PTCD2: variants seen among roughly 807,000 people sequenced by gnomAD.
The protein encoded by PTCD2 is pentatricopeptide repeat domain 2.
Under a neutral mutation model 42.6 loss-of-function variants are expected in PTCD2, and 31 were observed. The observed-to-expected ratio is 0.73, with a 90% confidence interval of 0.55 to 0.98. PTCD2 has a LOEUF of 0.98. Ranked by LOEUF, PTCD2 falls within the 50% of genes least tolerant of loss-of-function variation. The probability of loss-of-function intolerance (pLI) is 0.00; values close to 1 mark genes in which losing one functional copy is unlikely to be tolerated. For synonymous variants in PTCD2, 183 were observed against 170.9 expected, an observed-to-expected ratio of 1.07 and a Z score of -0.55; for missense variants, 476 against 454.8, an observed-to-expected ratio of 1.05 and a Z score of -0.42.
chr5:72,326,747 G>T lies in PTCD2; in HGVS notation c.350+6G>T. The T allele has an allele frequency of 1.9e-6, 3 of 1,613,132 alleles. No individual in the cohort carries two copies. Among genetic ancestry groups the T allele is most frequent in the Non-Finnish European group, 2.5e-6 (3 of 1,179,424 alleles). On this transcript the variant is annotated splice_donor_region_variant and intron_variant, in intron 3 of 9. Transcript: ENST00000380639. ...GCTAAAAATGTCATTTACAGGTGAG[G>T]CATTTCCTTAGAATGTTGCCACCCT... is the stretch of plus-strand genomic sequence containing the variant.
chr5:72,331,291 G>C lies in PTCD2; in HGVS notation c.384G>C (p.Gly128=), dbSNP rs1489153001. The C allele has an allele frequency of 1.9e-6, 3 of 1,613,764 alleles. No individual in the cohort carries two copies. The highest frequency in any genetic ancestry group is 2.7e-5 in the African/African-American group (2 of 74,888). ...CAGAGAACAAAAATTTCACTTTGGG[G>C]GAGTATAAATTTGGACCGCTTTTTG... ...YHAENKNFTL[G]EYKFGPLFVR... The change falls in exon 4 of 10, where the codon GGG becomes GGC. Residue 128 remains glycine, a synonymous_variant. Transcript: ENST00000380639.
rs140850432 is a variant in PTCD2, at chr5:72,321,862, G to A, written c.128-310G>A. Reference sequence around the variant, plus strand: ...TTGATACCCTTAACCGATGGCAAATGCCCATTTGTACTTCAAATCCCAACT... The same window carrying A: ...TTGATACCCTTAACCGATGGCAAATACCCATTTGTACTTCAAATCCCAACT... On this transcript the variant is annotated intron_variant, in intron 1 of 9. Transcript: ENST00000380639. Among the ~76,000 whole-genome samples, 85 of 152,078 alleles carry A rather than the reference G, an allele frequency of 5.6e-4. 1 individual carries two copies. Among genetic ancestry groups the A allele is most frequent in the African/African-American group, 2.0e-3 (83 of 41,484 alleles).
chr5:72,355,358 T>C (rs547648730), intron 9 of PTCD2, among the ~76,000 whole-genome samples: 20 of 152,312 alleles, frequency 1.3e-4, no homozygotes, highest in African/African-American at 4.3e-4. Flanking sequence ...AAACATCACA[T>C]TGAACTTTAT....
At chr5:72,323,276 G>C (rs1215397278) in intron 2 of PTCD2, among the ~76,000 whole-genome samples, 1 of 152,130 alleles carries the variant, frequency 6.6e-6, no homozygotes, top group Non-Finnish European at 1.5e-5. Flanking sequence ...ACTTAGTGAG[G>C]GGGATTATTA....
Position 72,359,381 on chromosome 5 carries a change from A to G in PTCD2, c.*954A>G, listed in dbSNP as rs1413016491. ...GTGTCTGGTCACCAGTGAGCAGAAG[A>G]TACACAGTGACCCCACCTCACTTGC... On this transcript the variant is annotated 3_prime_UTR_variant, in exon 10 of 10. Transcript: ENST00000380639. The G allele has an allele frequency of 6.6e-6, 1 of 152,208 alleles. No individual in the cohort carries two copies. Among genetic ancestry groups the G allele is most frequent in the Non-Finnish European group, 1.5e-5 (1 of 68,032 alleles). 9.4% of individuals were successfully genotyped at this position (152,208 alleles called of 1,614,324 possible). A position where few individuals can be genotyped will look rare whatever the true frequency, so the allele number is the denominator to read the frequency against.
In PTCD2 at chr5:72,358,483, C is replaced by G. The variant is rs1752997159; in HGVS notation, c.*56C>G. 1.5e-6 allele frequency: 2 copies of G among 1,322,542 alleles called. No individual in the cohort carries two copies. Among genetic ancestry groups the G allele is most frequent in the East Asian group, 4.8e-5 (2 of 41,588 alleles). The allele number at this position is 1,322,542 out of a possible 1,614,324, so 81.9% of individuals were successfully genotyped here. On this transcript the variant is annotated 3_prime_UTR_variant, in exon 10 of 10. Coordinates refer to ENST00000380639, the MANE Select transcript of PTCD2 (RefSeq NM_024754.5). ...GGGCCTGCTTCTAGTGAGTTATTAC[C>G]TTTCCTAAGAAGCCAGGTATCGCAC...
chr5:72,366,542 A>G lies in PTCD2; in HGVS notation c.*8115A>G, dbSNP rs547148624. ...TTTGCTGTCAGTAGCAGAGCTGAAGAACTTACAATAGACGGCAGAGGGCGT... is the reference window on the plus strand; with the variant it reads ...TTTGCTGTCAGTAGCAGAGCTGAAGGACTTACAATAGACGGCAGAGGGCGT... On this transcript the variant is annotated 3_prime_UTR_variant, in exon 10 of 10. Transcript: ENST00000380639. 1 of 152,350 alleles carries G rather than the reference A, an allele frequency of 6.6e-6. No homozygotes were observed. The highest frequency in any genetic ancestry group is 1.9e-4 in the East Asian group (1 of 5,184). 9.4% of individuals were successfully genotyped at this position (152,350 alleles called of 1,614,324 possible).
intron 4 of PTCD2, among the ~76,000 whole-genome samples, chr5:72,334,337 C>T (rs939750992): frequency 3.3e-5 from 5 of 152,198 alleles, no homozygotes; most frequent in African/African-American, 9.7e-5. Flanking sequence ...CCTTAGTCCT[C>T]AAGTATATTT....
intron 2 of PTCD2, 82 bp from the exon 3 acceptor site, chr5:72,326,530 G>GC: frequency 1.3e-6 from 2 of 1,516,994 alleles, no homozygotes; most frequent in Non-Finnish European, 1.8e-6. Flanking sequence ...GCCGGGGTTG[G>GC]GCTTCCCCAT....
At position 72,366,416 on chromosome 5, in the gene PTCD2, G is replaced by C. The variant is rs1217706543; in HGVS notation, c.*7989G>C. Reference sequence around the variant, plus strand: ...AGAGCACAGTATTTGAACCCAGGAGGTCTGATGCTGGAGGTCATGTTTTTA... The same window carrying C: ...AGAGCACAGTATTTGAACCCAGGAGCTCTGATGCTGGAGGTCATGTTTTTA... On this transcript the variant is annotated 3_prime_UTR_variant, in exon 10 of 10. Transcript: ENST00000380639. 2 of 152,176 alleles carry C rather than the reference G, an allele frequency of 1.3e-5. No individual in the cohort carries two copies. The highest frequency in any genetic ancestry group is 2.9e-5 in the Non-Finnish European group (2 of 68,052). The allele number at this position is 152,176 out of a possible 1,614,324, so 9.4% of individuals were successfully genotyped here.
chr5:72,325,887 G>A (rs1751109318), intron 2 of PTCD2, among the ~76,000 whole-genome samples: 1 of 152,184 alleles, frequency 6.6e-6, no homozygotes, highest in South Asian at 2.1e-4. Context: ...AAGAAGAGGT[G>A]CCTCCTTTTG....
At chr5:72,330,887 C>T (rs1400017560) in intron 3 of PTCD2, among the ~76,000 whole-genome samples, 5 of 152,284 alleles carry the variant, frequency 3.3e-5, no homozygotes, top group South Asian at 2.1e-4. Context: ...TTCCCTTGTT[C>T]TCCTCTGGGT....
rs1478558845 is a variant in PTCD2, at chr5:72,320,566, A to G, written c.127+57A>G. The G allele has an allele frequency of 3.1e-6, 5 of 1,605,612 alleles. No homozygotes were observed. In the Admixed American group the frequency reaches 6.7e-5, roughly 21 times the overall value. On this transcript the variant is annotated intron_variant, in intron 1 of 9. Transcript: ENST00000380639. ...GAGGGATGGGAGAGAAGGGAGTGTT[A>G]GATCCCAGCTAGCATCTCTGTGGAG...
intron 5 of PTCD2, 59 bp downstream of exon 5, chr5:72,335,155 T>A: frequency 1.0e-6 from 1 of 968,678 alleles, no homozygotes; most frequent in Non-Finnish European, 1.7e-6. Context: ...GCATAGGAAC[T>A]AGGGGGAAAA....
Position 72,354,517 on chromosome 5 carries a change from G to A in PTCD2, c.942+1763G>A, listed in dbSNP as rs145654927. The stretch of plus-strand genomic sequence containing the variant: ...AATTGTGAATGGCCTTTAAACTTTC[G>A]AAAAGATTCTCTTGCCCATATCAAG... On this transcript the variant is annotated intron_variant, in intron 9 of 9. Coordinates refer to ENST00000380639, the MANE Select transcript of PTCD2 (RefSeq NM_024754.5). Among the ~76,000 whole-genome samples, 670 of 151,006 alleles carry A rather than the reference G, an allele frequency of 4.4e-3. 5 individuals carry two copies. Among genetic ancestry groups the A allele is most frequent in the Non-Finnish European group, 4.6e-3 (311 of 67,884 alleles).
At position 72,320,417 on chromosome 5, in the gene PTCD2, C is replaced by T. The variant is rs750793419; in HGVS notation, c.35C>T (p.Pro12Leu). The T allele has an allele frequency of 4.3e-6, 7 of 1,614,008 alleles. No individual in the cohort carries two copies. Among genetic ancestry groups the T allele is most frequent in the East Asian group, 4.5e-5 (2 of 44,868 alleles). Reference sequence around the variant, plus strand: ...GACAGTATGGCTGCTGCATTTCGGCCCTCGAATCGAGTTCTCCTGCAGGCG... The same window carrying T: ...GACAGTATGGCTGCTGCATTTCGGCTCTCGAATCGAGTTCTCCTGCAGGCG... Reference protein sequence around the residue: ...VRDSMAAAFRPSNRVLLQALQ... With the variant: ...VRDSMAAAFRLSNRVLLQALQ... Residue 12 changes from proline (P) to leucine (L), a missense_variant, in exon 1 of 10, where the codon CCC becomes CTC. Pro to Leu is a moderately conservative substitution (Grantham distance 98). Transcript: ENST00000380639.
chr5:72,352,558 G>T (rs957891219), intron 8 of PTCD2, 83 bp from the exon 9 acceptor site: 1 of 654,004 alleles, frequency 1.5e-6, no homozygotes, highest in African/African-American at 1.9e-5. Flanking sequence ...GCCTATAAAT[G>T]AAGGCTTATC....
chr5:72,356,142 C>T (rs1289037796), intron 9 of PTCD2, among the ~76,000 whole-genome samples: 1 of 152,214 alleles, frequency 6.6e-6, no homozygotes, highest in Admixed American at 6.5e-5. Context: ...AAAGTAGAAG[C>T]ATGAACAGAT....
At chr5:72,347,291 A>G (rs577905922) in intron 8 of PTCD2, among the ~76,000 whole-genome samples, 20 of 152,256 alleles carry the variant, frequency 1.3e-4, no homozygotes, top group Admixed American at 4.6e-4. Context: ...AGAACACAAG[A>G]CTGGATGTCA....
Sources: allele counts gnomAD v4.1 joint callset (sites outside exome capture counted in the v4.1 genomes callset), GRCh38; gene constraint gnomAD v4.1.1; transcripts MANE v1.5; gene names NCBI Gene and HGNC (gene_info 2026-07-23, HGNC 2026-07-21).